The following GRM7 variants were observed in gnomAD, a reference collection of about 807,000 sequenced individuals.
GRM7 encodes glutamate metabotropic receptor 7.
In GRM7, 35 loss-of-function variants were observed where a neutral mutation model predicts 84.5. That is an observed-to-expected ratio of 0.41 (90% CI 0.32 to 0.55). GRM7 has a LOEUF of 0.55. Ranked by LOEUF, GRM7 falls within the 20% of genes least tolerant of loss-of-function variation. The pLI is 0.19. For missense variants in GRM7, 1,003 were observed against 1,194.6 expected (o/e 0.84, Z 2.36); for synonymous variants, 487 against 455.1 (o/e 1.07, Z -0.89).
At chr3:7,145,459 C>T (rs1364483138) in intron 1 of GRM7, among the ~76,000 whole-genome samples, 2 of 152,138 alleles carry the variant, frequency 1.3e-5, no homozygotes, top group African/African-American at 4.8e-5. Flanking sequence ...TACTTCAGGG[C>T]TGGCCTTAGG....
At chr3:7,596,336 A>G (rs1435889945) in intron 8 of GRM7, among the ~76,000 whole-genome samples, 1 of 152,180 alleles carries the variant, frequency 6.6e-6, no homozygotes, top group African/African-American at 2.4e-5. Flanking sequence ...GGTGGTGAAG[A>G]TGTCAGCTAG....
At chr3:7,610,448 T>C (rs1174655422) in intron 8 of GRM7, among the ~76,000 whole-genome samples, 2 of 152,322 alleles carry the variant, frequency 1.3e-5, no homozygotes, top group South Asian at 2.1e-4. Context: ...ATAGATAGGA[T>C]TTTTTAATTG....
chr3:7,144,475 C>T (rs551850411), intron 1 of GRM7, among the ~76,000 whole-genome samples: 37 of 152,156 alleles, frequency 2.4e-4, no homozygotes, highest in African/African-American at 8.4e-4. Context: ...ATTTTATTGC[C>T]ATAGGACAGT....
At chr3:6,996,561 A>T (rs1340011785) in intron 1 of GRM7, among the ~76,000 whole-genome samples, 1 of 152,142 alleles carries the variant, frequency 6.6e-6, no homozygotes, top group Non-Finnish European at 1.5e-5. Flanking sequence ...GTTTTCTAAA[A>T]ACATGCTTCT....
chr3:7,386,700 T>G (rs1250477993), intron 4 of GRM7, among the ~76,000 whole-genome samples: 1 of 152,208 alleles, frequency 6.6e-6, no homozygotes, highest in African/African-American at 2.4e-5. Flanking sequence ...TGCATGACCC[T>G]GCTATTGTTA....
intron 1 of GRM7, among the ~76,000 whole-genome samples, chr3:7,065,136 G>T (rs933451689): frequency 6.6e-6 from 1 of 151,920 alleles, no homozygotes; most frequent in East Asian, 1.9e-4. Context: ...CAACTCTGTG[G>T]GTTGTCTATT....
intron 2 of GRM7, among the ~76,000 whole-genome samples, chr3:7,171,041 G>T (rs903004608): frequency 6.6e-6 from 1 of 152,046 alleles, no homozygotes; most frequent in Non-Finnish European, 1.5e-5. Context: ...TCCTCCTCCA[G>T]ACCTTCCCTT....
intron 2 of GRM7, among the ~76,000 whole-genome samples, chr3:7,161,114 G>C (rs1346120671): frequency 6.6e-6 from 1 of 152,018 alleles, no homozygotes; most frequent in Non-Finnish European, 1.5e-5. Flanking sequence ...CTAAGAACCA[G>C]ACAGCCTTAG....
chr3:7,060,664 C>T (rs1195641575), intron 1 of GRM7, among the ~76,000 whole-genome samples: 1 of 151,738 alleles, frequency 6.6e-6, no homozygotes, highest in East Asian at 1.9e-4. Flanking sequence ...TAGCTACCAA[C>T]ATTATGCTGA....
intron 7 of GRM7, among the ~76,000 whole-genome samples, chr3:7,547,332 A>C (rs774515805): frequency 2.7e-5 from 4 of 147,844 alleles, no homozygotes; most frequent in Non-Finnish European, 5.9e-5. Flanking sequence ...TCAGCCTCCC[A>C]AGTAGCTGGG....
intron 7 of GRM7, among the ~76,000 whole-genome samples, chr3:7,509,687 T>C (rs1304583403): frequency 6.6e-6 from 1 of 152,170 alleles, no homozygotes; most frequent in East Asian, 1.9e-4. Flanking sequence ...AATGTTTCTT[T>C]AGTAGCACTT....
At chr3:7,007,350 G>A (rs1695216756) in intron 1 of GRM7, among the ~76,000 whole-genome samples, 1 of 152,142 alleles carries the variant, frequency 6.6e-6, no homozygotes, top group African/African-American at 2.4e-5. Flanking sequence ...ATAAGAATGT[G>A]TGTTATTCAT....
chr3:6,976,839 T>C (rs1259586819), intron 1 of GRM7, among the ~76,000 whole-genome samples: 1 of 152,176 alleles, frequency 6.6e-6, no homozygotes, highest in Non-Finnish European at 1.5e-5. Flanking sequence ...AAAAAGATAT[T>C]CTTGACAGCA....
At chr3:7,055,202 T>G (rs2124960990) in intron 1 of GRM7, among the ~76,000 whole-genome samples, 1 of 151,426 alleles carries the variant, frequency 6.6e-6, no homozygotes, top group South Asian at 2.1e-4. Context: ...CTTCATTTTC[T>G]TCTTCTTCTT....
chr3:7,271,323 G>A (rs1313620307), intron 2 of GRM7, among the ~76,000 whole-genome samples: 2 of 152,130 alleles, frequency 1.3e-5, no homozygotes, highest in Non-Finnish European at 2.9e-5. Context: ...ACTTTGGGAG[G>A]CCGAGGCGGG....
intron 7 of GRM7, among the ~76,000 whole-genome samples, chr3:7,567,668 A>G (rs971232440): frequency 6.8e-6 from 1 of 146,422 alleles, no homozygotes; most frequent in African/African-American, 2.5e-5. Context: ...GAATTGCTTG[A>G]ACCCGGGAGG....
intron 3 of GRM7, among the ~76,000 whole-genome samples, chr3:7,302,931 A>ATTTTTTTTTTTATTTTTTT (rs1700055390): frequency 8.2e-6 from 1 of 121,942 alleles, no homozygotes; most frequent in African/African-American, 3.7e-5. Context: ...TGATTGTTCT[A>ATTTTTTTTTTTATTTTTTT]TTTTTTTTTT....
intron 7 of GRM7, among the ~76,000 whole-genome samples, chr3:7,547,368 G>A (rs1182121115): frequency 6.6e-6 from 1 of 151,830 alleles, no homozygotes; most frequent in Non-Finnish European, 1.5e-5. Context: ...CGCCACGCCT[G>A]GCTAATTTTT....
chr3:7,225,610 A>C (rs967590713), intron 2 of GRM7, among the ~76,000 whole-genome samples: 2 of 149,746 alleles, frequency 1.3e-5, no homozygotes, highest in African/African-American at 4.9e-5. Flanking sequence ...TTAACCTATA[A>C]TTTTTAAAAT....
Sources: allele counts gnomAD v4.1 joint callset (sites outside exome capture counted in the v4.1 genomes callset), GRCh38; gene constraint gnomAD v4.1.1; transcripts MANE v1.5; gene names NCBI Gene and HGNC (gene_info 2026-07-23, HGNC 2026-07-21).